SGO1: variants seen among roughly 807,000 people sequenced by gnomAD.
SGO1 encodes the protein shugoshin 1.
SGO1 carries 39 observed loss-of-function variants against 50.5 expected under a neutral mutation model. That is an observed-to-expected ratio of 0.77 (90% CI 0.60 to 1.01). The LOEUF (loss-of-function observed/expected upper bound fraction) is 1.01, where lower values mean the gene tolerates loss of function less well. Among genes scored for constraint, SGO1 ranks in the 50% least tolerant of loss-of-function variants. The pLI is 0.00. For missense variants in SGO1, 638 were observed against 606.0 expected (o/e 1.05, Z -0.55); for synonymous variants, 191 against 205.1 (o/e 0.93, Z 0.59).
At chr3:20,174,170 G>T in intron 6 of SGO1, 79 bp downstream of exon 6, 2 of 1,109,638 alleles carry the variant, frequency 1.8e-6, no homozygotes, top group Non-Finnish European at 2.7e-6. Flanking sequence ...GAAACAGATG[G>T]TAAGTATAGT....
At chr3:20,168,906 T>C (rs542168570), downstream of SGO1, 33 of 983,726 alleles carry the variant, frequency 3.4e-5, no homozygotes, top group East Asian at 1.9e-3. Context: ...GTGCTGGGAT[T>C]ACAGGTGTTA....
At position 20,170,602 on chromosome 3, in the gene SGO1, T is replaced by G; in HGVS notation, c.*102A>C. 2 of 1,397,968 alleles carry G rather than the reference T, an allele frequency of 1.4e-6. No homozygotes were observed. The highest frequency in any genetic ancestry group is 1.8e-6 in the Non-Finnish European group (2 of 1,081,394). The allele number at this position is 1,397,968 out of a possible 1,614,324, so 86.6% of individuals were successfully genotyped here. On this transcript the variant is annotated 3_prime_UTR_variant, in exon 8 of 8. Coordinates refer to ENST00000412997, the MANE Select transcript of SGO1 (RefSeq NM_001199251.3). ...GAGCTAGGGTCCTGTCAAGAGAATA[T>G]TCTATGGCAATGGCTCACTCTGTTT...
intron 6 of SGO1, among the ~76,000 whole-genome samples, chr3:20,172,667 T>C (rs548714448): frequency 2.2e-4 from 33 of 152,000 alleles, no homozygotes; most frequent in African/African-American, 7.7e-4. Flanking sequence ...TTTATGTATT[T>C]TTATGGATAC....
chr3:20,173,361 G>C (rs1700995031), intron 6 of SGO1, among the ~76,000 whole-genome samples: 1 of 151,732 alleles, frequency 6.6e-6, no homozygotes, highest in South Asian at 2.1e-4. Context: ...GCTGGTCTTG[G>C]ACTCCTGACC....
downstream of SGO1, among the ~76,000 whole-genome samples, chr3:20,168,484 C>G (rs927174810): frequency 4.7e-5 from 7 of 149,948 alleles, no homozygotes; most frequent in African/African-American, 1.7e-4. Context: ...AGGTTGAAGA[C>G]CATCCAGAAG....
intron 8 of SGO1, chr3:20,161,250 A>G (rs1302034663): frequency 3.9e-6 from 6 of 1,526,938 alleles, no homozygotes; most frequent in Admixed American, 2.3e-5. Flanking sequence ...ACACAAAATC[A>G]GTCTACAGAG....
chr3:20,180,022 C>T (rs982993145), intron 3 of SGO1, among the ~76,000 whole-genome samples: 4 of 152,104 alleles, frequency 2.6e-5, no homozygotes, highest in Non-Finnish European at 5.9e-5. Flanking sequence ...GCAGGCCAGG[C>T]GTGGTACCTC....
chr3:20,172,607 T>C (rs1358746708), intron 6 of SGO1, among the ~76,000 whole-genome samples: 1 of 151,450 alleles, frequency 6.6e-6, no homozygotes, highest in Non-Finnish European at 1.5e-5. Context: ...CTCTGAGTAA[T>C]ACCATTTTAG....
intron 3 of SGO1, among the ~76,000 whole-genome samples, chr3:20,179,743 C>T (rs1008161426): frequency 1.3e-5 from 2 of 151,944 alleles, no homozygotes; most frequent in African/African-American, 4.8e-5. Flanking sequence ...AAATGCCTGA[C>T]ATTTACAGGT....
chr3:20,185,408 T>C (rs1002546054), intron 1 of SGO1, among the ~76,000 whole-genome samples: 2 of 152,140 alleles, frequency 1.3e-5, no homozygotes. Flanking sequence ...AAGGCGATGG[T>C]TATTAGCAGG....
At chr3:20,171,269 A>G (rs1358644450) in intron 6 of SGO1, 37 bp from the exon 7 acceptor site, 17 of 1,497,782 alleles carry the variant, frequency 1.1e-5, no homozygotes, top group Middle Eastern at 2.4e-4. Flanking sequence ...ATTTAAAAAA[A>G]AAAACCCACA....
At position 20,176,673 on chromosome 3, in the gene SGO1, A is replaced by C. The variant is rs765423774; in HGVS notation, c.417-14T>G. On this transcript the variant is annotated splice_polypyrimidine_tract_variant and intron_variant, in intron 4 of 7. Coordinates refer to ENST00000412997, the MANE Select transcript of SGO1 (RefSeq NM_001199251.3). ...AGAGGAATTTGCCTTAGAAAATACC[A>C]ATGAAAAACAGAAATTTAACAATTA... 2 of 1,517,404 alleles carry C rather than the reference A, an allele frequency of 1.3e-6. No individual in the cohort carries two copies. The highest frequency in any genetic ancestry group is 1.7e-4 in the Middle Eastern group (1 of 5,748). 94.0% of individuals were successfully genotyped at this position (1,517,404 alleles called of 1,614,324 possible).
At chr3:20,162,185 T>C (rs996924534) in intron 8 of SGO1, among the ~76,000 whole-genome samples, 20 of 152,162 alleles carry the variant, frequency 1.3e-4, no homozygotes, top group African/African-American at 4.3e-4. Context: ...TACTAATCCA[T>C]GCATGTGTAG....
intron 6 of SGO1, among the ~76,000 whole-genome samples, chr3:20,172,163 G>T: frequency 6.6e-6 from 1 of 152,114 alleles, no homozygotes; most frequent in Non-Finnish European, 1.5e-5. Flanking sequence ...GCTATATTCT[G>T]GAAAAATGCT....
chr3:20,184,569 G>A (rs1180447420), intron 1 of SGO1, among the ~76,000 whole-genome samples: 2 of 152,126 alleles, frequency 1.3e-5, no homozygotes, highest in African/African-American at 4.8e-5. Context: ...TATGCACACA[G>A]TCTCAAGAAA....
intron 1 of SGO1, among the ~76,000 whole-genome samples, chr3:20,184,815 T>TA (rs1164638116): frequency 1.0e-5 from 1 of 96,038 alleles, no homozygotes; most frequent in Non-Finnish European, 2.2e-5. Flanking sequence ...TAACTATACT[T>TA]AATCTTTCAA....
intron 6 of SGO1, among the ~76,000 whole-genome samples, chr3:20,173,552 A>G (rs770719891): frequency 2.0e-5 from 3 of 152,246 alleles, no homozygotes; most frequent in African/African-American, 7.2e-5. Context: ...AATAAGCATC[A>G]TAACACCTAT....
downstream of SGO1, among the ~76,000 whole-genome samples, chr3:20,167,357 T>G (rs1252409114): frequency 5.3e-5 from 8 of 152,142 alleles, no homozygotes; most frequent in African/African-American, 1.9e-4. Context: ...ATACTAATAT[T>G]TAAAACTCCT....
rs1247072894 is a variant in SGO1, at chr3:20,174,494, G to T, written c.1037C>A (p.Thr346Asn). The change falls in exon 6 of 8, where the codon ACT becomes AAT. Residue 346 changes from threonine to asparagine, a missense_variant. Thr to Asn is a moderately conservative substitution (Grantham distance 65). Coordinates refer to ENST00000412997, the MANE Select transcript of SGO1 (RefSeq NM_001199251.3). ...NFNLEEGVHL[T>N]PFRQKVSNDS... Reference sequence around the variant, plus strand: ...ATTGCTCACTTTTTGTCGGAAAGGAGTAAGATGAACACCCTCTTCCAAATT... The same window carrying T: ...ATTGCTCACTTTTTGTCGGAAAGGATTAAGATGAACACCCTCTTCCAAATT... 6.2e-7 allele frequency: 1 copy of T among 1,614,010 alleles called. No individual in the cohort carries two copies. Among genetic ancestry groups the T allele is most frequent in the Non-Finnish European group, 8.5e-7 (1 of 1,180,016 alleles).
Sources: allele counts gnomAD v4.1 joint callset (sites outside exome capture counted in the v4.1 genomes callset), GRCh38; gene constraint gnomAD v4.1.1; transcripts MANE v1.5; gene names NCBI Gene and HGNC (gene_info 2026-07-23, HGNC 2026-07-21).